The following TMTC2 variants were observed in gnomAD, a reference collection of about 807,000 sequenced individuals.
TMTC2 encodes the protein protein O-mannosyl-transferase TMTC2.
TMTC2 carries 43 observed loss-of-function variants against 82.4 expected under a neutral mutation model. The ratio of observed to expected loss-of-function variants is 0.52; its 90% CI spans 0.41 to 0.67. The LOEUF is 0.67. Among genes scored for constraint, TMTC2 ranks in the 30% least tolerant of loss-of-function variants. The pLI is 0.00. For synonymous variants in TMTC2, 408 were observed against 381.9 expected, an observed-to-expected ratio of 1.07 and a Z score of -0.80; for missense variants, 919 against 1,012.4, an observed-to-expected ratio of 0.91 and a Z score of 1.25.
In TMTC2 at chr12:83,030,840, G is replaced by A; in HGVS notation, c.2113G>A (p.Glu705Lys). 1.2e-6 allele frequency: 2 copies of A among 1,613,732 alleles called. No individual in the cohort carries two copies. Among genetic ancestry groups the A allele is most frequent in the East Asian group, 4.5e-5 (2 of 44,846 alleles). ...TGAAAAGCTCTTCTTGAAGGCTATT[G>A]AGCTGGATCCCACCAAAGGAAACTG... ...EAEKLFLKAI[E>K]LDPTKGNCYM... The change falls in exon 9 of 12, where the codon GAG becomes AAG. Residue 705 changes from glutamate to lysine, a missense_variant. Coordinates refer to ENST00000321196, the MANE Select transcript of TMTC2 (RefSeq NM_152588.3).
chr12:82,957,688 A>T (rs1055432884), intron 4 of TMTC2, among the ~76,000 whole-genome samples: 4 of 151,988 alleles, frequency 2.6e-5, no homozygotes, highest in African/African-American at 9.7e-5. Context: ...ACAAATAAGT[A>T]CAAAGAAATA....
chr12:82,918,821 G>C (rs907455847), intron 3 of TMTC2, among the ~76,000 whole-genome samples: 1 of 150,416 alleles, frequency 6.6e-6, no homozygotes, highest in African/African-American at 2.5e-5. Flanking sequence ...GCAGTGGTGC[G>C]ATCTCGGCTC....
At chr12:83,044,145 A>G (rs1769847463) in intron 9 of TMTC2, among the ~76,000 whole-genome samples, 1 of 152,236 alleles carries the variant, frequency 6.6e-6, no homozygotes, top group African/African-American at 2.4e-5. Context: ...ATGAATAGGA[A>G]AATTTCTGGT....
intron 2 of TMTC2, among the ~76,000 whole-genome samples, chr12:82,883,555 T>C (rs1490788523): frequency 6.6e-6 from 1 of 152,190 alleles, no homozygotes; most frequent in Non-Finnish European, 1.5e-5. Flanking sequence ...CTCTTTATGT[T>C]TCCAAAATGC....
chr12:82,777,593 G>A (rs766760392), intron 1 of TMTC2, among the ~76,000 whole-genome samples: 11 of 152,174 alleles, frequency 7.2e-5, no homozygotes, highest in South Asian at 4.1e-4. Flanking sequence ...AACTTATATT[G>A]AATTCTAGTG....
intron 1 of TMTC2, among the ~76,000 whole-genome samples, chr12:82,843,583 G>C (rs73358283): frequency 0.041 from 6,209 of 152,236 alleles, 436 homozygotes; most frequent in African/African-American, 0.14. Flanking sequence ...AAAGGGTAAG[G>C]ATTATTGCAA....
At chr12:82,694,544 A>G (rs569776152) in intron 1 of TMTC2, among the ~76,000 whole-genome samples, 1 of 152,296 alleles carries the variant, frequency 6.6e-6, no homozygotes, top group African/African-American at 2.4e-5. Context: ...TTGCCGGGGC[A>G]TTTTGTGATG....
chr12:83,103,792 G>T (rs183853694), intron 11 of TMTC2, among the ~76,000 whole-genome samples: 1 of 152,108 alleles, frequency 6.6e-6, no homozygotes, highest in Non-Finnish European at 1.5e-5. Context: ...TAACTCAAAA[G>T]TCTACAGTTC....
chr12:83,050,847 C>A, intron 9 of TMTC2, 57 bp from the exon 10 acceptor site: 1 of 1,224,730 alleles, frequency 8.2e-7, no homozygotes, highest in Non-Finnish European at 1.2e-6. Flanking sequence ...TTAATAACAG[C>A]TTTATTGTTT....
intron 1 of TMTC2, among the ~76,000 whole-genome samples, chr12:82,810,939 C>A (rs1316532661): frequency 6.6e-6 from 1 of 152,088 alleles, no homozygotes; most frequent in Non-Finnish European, 1.5e-5. Context: ...AGTTAAATCT[C>A]CTTCTTTTGG....
intron 8 of TMTC2, among the ~76,000 whole-genome samples, chr12:82,997,641 A>G (rs954102617): frequency 4.0e-5 from 6 of 151,470 alleles, no homozygotes; most frequent in African/African-American, 1.5e-4. Context: ...AAGAATGCCA[A>G]GAAGATTTTA....
chr12:82,759,800 G>A (rs989736517), intron 1 of TMTC2: 1 of 152,166 alleles, frequency 6.6e-6, no homozygotes, highest in African/African-American at 2.4e-5. Flanking sequence ...AAGATCTATC[G>A]AGTGGCAACT....
chr12:82,811,776 T>A (rs1868403541), intron 1 of TMTC2, among the ~76,000 whole-genome samples: 1 of 151,314 alleles, frequency 6.6e-6, no homozygotes, highest in Admixed American at 6.6e-5. Context: ...TTTTAAGATT[T>A]ATTTGAAGTT....
intron 1 of TMTC2, among the ~76,000 whole-genome samples, chr12:82,788,820 C>T (rs1443995824): frequency 6.6e-6 from 1 of 152,094 alleles, no homozygotes; most frequent in African/African-American, 2.4e-5. Context: ...TAAACTCCTG[C>T]AGCTTTTCTC....
intron 1 of TMTC2, among the ~76,000 whole-genome samples, chr12:82,832,329 G>A (rs1185738255): frequency 6.7e-6 from 1 of 149,332 alleles, no homozygotes; most frequent in Non-Finnish European, 1.5e-5. Context: ...TCCACAGCTA[G>A]ACTTTATGTA....
At chr12:82,820,586 G>GCTGGTCTTGAA (rs779043417) in intron 1 of TMTC2, among the ~76,000 whole-genome samples, 39 of 152,126 alleles carry the variant, frequency 2.6e-4, no homozygotes, top group Non-Finnish European at 4.1e-4. Flanking sequence ...TATTGGTCAG[G>GCTGGTCTTGAA]CTGGTCTTGA....
At chr12:83,061,173 A>G (rs540251455) in intron 10 of TMTC2, among the ~76,000 whole-genome samples, 5 of 151,906 alleles carry the variant, frequency 3.3e-5, no homozygotes, top group Admixed American at 6.6e-5. Context: ...TGAAAGTCCT[A>G]AGTAACGAGA....
At chr12:82,818,984 CG>C (rs1461761108) in intron 1 of TMTC2, among the ~76,000 whole-genome samples, 1 of 151,854 alleles carries the variant, frequency 6.6e-6, no homozygotes, top group Non-Finnish European at 1.5e-5. Context: ...AGATAACTTA[CG>C]GACTACATTT....
chr12:83,017,559 A>T (rs1880729563), intron 8 of TMTC2, among the ~76,000 whole-genome samples: 1 of 152,210 alleles, frequency 6.6e-6, no homozygotes, highest in African/African-American at 2.4e-5. Context: ...TTAGTACAGA[A>T]TGTGAACTAC....
Sources: allele counts gnomAD v4.1 joint callset (sites outside exome capture counted in the v4.1 genomes callset), GRCh38; gene constraint gnomAD v4.1.1; transcripts MANE v1.5; gene names NCBI Gene and HGNC (gene_info 2026-07-23, HGNC 2026-07-21).